Variants in NDUFAF2 observed in about 807,000 individuals in gnomAD.
NDUFAF2 encodes the protein NADH dehydrogenase [ubiquinone] 1 alpha subcomplex assembly factor 2.
Under a neutral mutation model 22.8 loss-of-function variants are expected in NDUFAF2, and 13 were observed. The observed-to-expected ratio is 0.57, with a 90% CI of 0.37 to 0.91. NDUFAF2 has a LOEUF of 0.91. Ranked by LOEUF, NDUFAF2 falls within the 40% of genes least tolerant of loss-of-function variation. The pLI is 0.01. For synonymous variants in NDUFAF2, 53 were observed against 64.2 expected (o/e 0.83, Z 0.84); for missense variants, 162 against 195.2 (o/e 0.83, Z 1.01).
intron 2 of NDUFAF2, among the ~76,000 whole-genome samples, chr5:61,087,799 A>G (rs191220298): frequency 6.6e-6 from 1 of 152,298 alleles, no homozygotes; most frequent in African/African-American, 2.4e-5. Context: ...TCATACTTCC[A>G]TGCAAAGGAA....
chr5:61,068,115 G>A (rs1370361572), intron 1 of NDUFAF2, among the ~76,000 whole-genome samples: 2 of 152,060 alleles, frequency 1.3e-5, no homozygotes, highest in Non-Finnish European at 2.9e-5. Context: ...CATAAAGAAT[G>A]TATGGATCAC....
intron 1 of NDUFAF2, among the ~76,000 whole-genome samples, chr5:61,027,340 A>G (rs889836689): frequency 6.6e-6 from 1 of 150,600 alleles, no homozygotes; most frequent in African/African-American, 2.4e-5. Flanking sequence ...TTTAGGTGTT[A>G]AATAAGCATA....
rs569790653 is a variant in NDUFAF2 at position 60,970,842 on chromosome 5, G to T, written c.127+25460G>T. On this transcript the variant is annotated intron_variant, in intron 1 of 3. Transcript: ENST00000296597. ...AGATGTAAAGTTCAATATGTAGGCTGTTAAACTCTTCATCATTGATTATGT... is the reference window on the plus strand; with the variant it reads ...AGATGTAAAGTTCAATATGTAGGCTTTTAAACTCTTCATCATTGATTATGT... 5.3e-5 allele frequency among the ~76,000 whole-genome samples: 8 copies of T among 152,162 alleles called. No individual in the cohort carries two copies. In the South Asian group the frequency reaches 1.2e-3, roughly 24 times the overall value.
intron 3 of NDUFAF2, among the ~76,000 whole-genome samples, chr5:61,124,851 T>G (rs989781247): frequency 1.3e-5 from 2 of 152,064 alleles, no homozygotes; most frequent in African/African-American, 2.4e-5. Flanking sequence ...GGGTAATTTA[T>G]AAAGAAAAGA....
At chr5:61,107,751 G>A (rs1156772632) in intron 3 of NDUFAF2, among the ~76,000 whole-genome samples, 7 of 149,856 alleles carry the variant, frequency 4.7e-5, no homozygotes, top group Non-Finnish European at 8.9e-5. Context: ...GTGCCATGCT[G>A]GTGCGCTGCA....
chr5:61,043,351 A>C (rs1751906494), intron 1 of NDUFAF2, among the ~76,000 whole-genome samples: 1 of 152,198 alleles, frequency 6.6e-6, no homozygotes, highest in Non-Finnish European at 1.5e-5. Context: ...TTATAAATTT[A>C]TCTGAACCCA....
chr5:60,962,015 C>T (rs1750693436), intron 1 of NDUFAF2, among the ~76,000 whole-genome samples: 1 of 151,606 alleles, frequency 6.6e-6, no homozygotes, highest in South Asian at 2.1e-4. Flanking sequence ...TTTCCTCCAG[C>T]TTTATTGAAG....
Position 61,009,206 on chromosome 5 carries a change from A to C in NDUFAF2, c.127+63824A>C, listed in dbSNP as rs75598482. The stretch of plus-strand genomic sequence containing the variant: ...ATCACAGAATATTTTAGGTGTTATA[A>C]GTTAAATGTATTCTGAAGCCAAATA... On this transcript the variant is annotated intron_variant, in intron 1 of 3. Transcript: ENST00000296597. 5.2e-3 allele frequency among the ~76,000 whole-genome samples: 799 copies of C among 152,256 alleles called. 9 individuals are homozygous for C. The highest frequency in any genetic ancestry group is 0.019 in the African/African-American group (771 of 41,568).
chr5:60,971,272 T>G (rs1042638642), intron 1 of NDUFAF2, among the ~76,000 whole-genome samples: 3 of 145,246 alleles, frequency 2.1e-5, no homozygotes, highest in African/African-American at 7.5e-5. Flanking sequence ...TAGATATATC[T>G]TTTTTCTTTC....
intron 1 of NDUFAF2, among the ~76,000 whole-genome samples, chr5:60,994,660 T>G (rs1357094596): frequency 6.6e-6 from 1 of 152,246 alleles, no homozygotes; most frequent in Non-Finnish European, 1.5e-5. Context: ...ATTAAATGTC[T>G]TGAAGTAGTC....
At chr5:61,074,902 C>A (rs1453274257) in intron 2 of NDUFAF2, among the ~76,000 whole-genome samples, 7 of 152,162 alleles carry the variant, frequency 4.6e-5, no homozygotes, top group Non-Finnish European at 1.0e-4. Context: ...GAGGCAAGCA[C>A]CTTCTTTGCG....
At chr5:60,993,609 A>C (rs1386403195) in intron 1 of NDUFAF2, among the ~76,000 whole-genome samples, 1 of 151,958 alleles carries the variant, frequency 6.6e-6, no homozygotes, top group Admixed American at 6.6e-5. Flanking sequence ...CCCTCAGCAG[A>C]TAGGAGGCCC....
chr5:61,014,028 G>T (rs1175224832), intron 1 of NDUFAF2, among the ~76,000 whole-genome samples: 1 of 152,188 alleles, frequency 6.6e-6, no homozygotes, highest in African/African-American at 2.4e-5. Flanking sequence ...TCTCTGGAGT[G>T]ATGAGAGTGT....
intron 2 of NDUFAF2, among the ~76,000 whole-genome samples, chr5:61,082,925 T>G (rs1447413456): frequency 6.6e-6 from 1 of 152,194 alleles, no homozygotes; most frequent in Non-Finnish European, 1.5e-5. Flanking sequence ...GTTCTATTTT[T>G]ATTAGTAGTT....
intron 1 of NDUFAF2, among the ~76,000 whole-genome samples, chr5:61,070,222 G>A (rs1328629426): frequency 6.6e-5 from 10 of 152,014 alleles, no homozygotes; most frequent in Non-Finnish European, 1.2e-4. Context: ...TATTCACTAC[G>A]ATGGAAATTT....
intron 2 of NDUFAF2, among the ~76,000 whole-genome samples, chr5:61,082,762 A>G (rs1487944493): frequency 1.3e-5 from 2 of 152,102 alleles, no homozygotes; most frequent in Non-Finnish European, 2.9e-5. Context: ...TTCTTTATCC[A>G]GTCTACAATT....
intron 1 of NDUFAF2, among the ~76,000 whole-genome samples, chr5:61,009,196 A>C (rs1247580430): frequency 6.6e-6 from 1 of 152,110 alleles, no homozygotes; most frequent in African/African-American, 2.4e-5. Flanking sequence ...AGAATATTTT[A>C]GGTGTTATAA....
intron 2 of NDUFAF2, among the ~76,000 whole-genome samples, chr5:61,093,670 T>C (rs1468072311): frequency 2.0e-5 from 3 of 152,200 alleles, no homozygotes; most frequent in Non-Finnish European, 4.4e-5. Context: ...TAGTACTTTG[T>C]TGAGGATTTT....
intron 1 of NDUFAF2, among the ~76,000 whole-genome samples, chr5:60,989,375 A>G (rs1422116417): frequency 6.6e-6 from 1 of 152,132 alleles, no homozygotes; most frequent in African/African-American, 2.4e-5. Context: ...ACTTAGAACT[A>G]CTTTTAAACC....
Sources: gnomAD v4.1 joint callset for allele counts (sites outside exome capture counted in the v4.1 genomes callset) on GRCh38, gnomAD v4.1.1 for gene constraint, MANE v1.5 for transcripts, NCBI Gene and HGNC (gene_info 2026-07-23, HGNC 2026-07-21) for gene names.